Variants in ZNF575 observed in about 807,000 individuals in gnomAD.
The protein encoded by ZNF575 is zinc finger protein 575.
ZNF575 carries 17 observed loss-of-function variants against 17.5 expected under a neutral mutation model. The ratio of observed to expected loss-of-function variants is 0.97; its 90% CI spans 0.66 to 1.45. ZNF575 has a LOEUF of 1.45. Among genes scored for constraint, ZNF575 ranks in the 40% most tolerant of loss-of-function variants. ZNF575 has a pLI of 0.00. For missense variants in ZNF575, 352 were observed against 359.2 expected (o/e 0.98, Z 0.16); for synonymous variants, 146 against 158.3 (o/e 0.92, Z 0.58).
In ZNF575 at chr19:43,535,549, C is replaced by T. The variant is rs756909725; in HGVS notation, c.600C>T (p.Asp200=). 71 of 1,613,808 alleles carry T rather than the reference C, an allele frequency of 4.4e-5. No individual in the cohort carries two copies. Among genetic ancestry groups the T allele is most frequent in the Non-Finnish European group, 5.8e-5 (68 of 1,179,966 alleles). The change falls in exon 4 of 4, where the codon GAC becomes GAT. Residue 200 remains aspartate, a synonymous_variant. Coordinates refer to ENST00000314228, the MANE Select transcript of ZNF575 (RefSeq NM_174945.3). ...TGGCCGCCCATCGCCTATGTCACGA[C>T]CCCCCAACCGCGCCCGGCAGCCAGG... The part of the protein sequence containing the change: ...SKLAAHRLCH[D]PPTAPGSQAT...
chr19:43,534,470 T>C lies in ZNF575; in HGVS notation c.48T>C (p.Ser16=). 6.7e-7 allele frequency: 1 copy of C among 1,503,490 alleles called. No individual in the cohort carries two copies. The highest frequency in any genetic ancestry group is 8.9e-7 in the Non-Finnish European group (1 of 1,124,554). The allele number at this position is 1,503,490 out of a possible 1,614,324, so 93.1% of individuals were successfully genotyped here. The change falls in exon 3 of 4, where the codon AGT becomes AGC. Residue 16 remains serine, a synonymous_variant. Coordinates refer to ENST00000314228, the MANE Select transcript of ZNF575 (RefSeq NM_174945.3). Reference sequence around the variant, plus strand: ...CCGCGGCCGGGGCTACCGATCCTAGTCCCACTGGCAAGGAACCAGTGACCA... The same window carrying C: ...CCGCGGCCGGGGCTACCGATCCTAGCCCCACTGGCAAGGAACCAGTGACCA... ...AESAAGATDP[S]PTGKEPVTKE...
Position 43,535,870 on chromosome 19 carries a change from G to T in ZNF575, c.*183G>T. 2 of 677,532 alleles carry T rather than the reference G, an allele frequency of 3.0e-6. No homozygotes were observed. The highest frequency in any genetic ancestry group is 4.9e-6 in the Non-Finnish European group (2 of 409,760). The allele number at this position is 677,532 out of a possible 1,614,324, so 42.0% of individuals were successfully genotyped here. On this transcript the variant is annotated 3_prime_UTR_variant, in exon 4 of 4. Coordinates refer to ENST00000314228, the MANE Select transcript of ZNF575 (RefSeq NM_174945.3). ...AGGAACTCTTTGCTCCCCTGCTTTG[G>T]GGAGATCTCAAACCATGGACGTGGA...
Position 43,535,413 on chromosome 19 carries a change from C to A in ZNF575, c.464C>A (p.Ser155Tyr), listed in dbSNP as rs376747015. Reference sequence around the variant, plus strand: ...TACCCGTGCCCCGACTGCCCCAAGTCCTTCTGCTACCCTTCCAAGCTGGCG... The same window carrying A: ...TACCCGTGCCCCGACTGCCCCAAGTACTTCTGCTACCCTTCCAAGCTGGCG... ...RPYPCPDCPKSFCYPSKLAAH... is the reference protein window; with the variant it reads ...RPYPCPDCPKYFCYPSKLAAH... Residue 155 changes from serine to tyrosine, a missense_variant, in exon 4 of 4, where the codon TCC becomes TAC. Coordinates refer to ENST00000314228, the MANE Select transcript of ZNF575 (RefSeq NM_174945.3). The A allele has an allele frequency of 8.8e-6, 13 of 1,475,762 alleles. No individual in the cohort carries two copies. The highest frequency in any genetic ancestry group is 1.1e-5 in the Non-Finnish European group (12 of 1,090,094). The allele number at this position is 1,475,762 out of a possible 1,614,324, so 91.4% of individuals were successfully genotyped here.
At chr19:43,534,901 C>G in intron 3 of ZNF575, 128 bp from the exon 4 acceptor site, 1 of 913,538 alleles carries the variant, frequency 1.1e-6, no homozygotes, top group Non-Finnish European at 1.5e-6. Context: ...TGGGGAGTCT[C>G]AATGTGATGC....
upstream of ZNF575, chr19:43,532,824 A>G (rs1972359855): frequency 6.6e-6 from 1 of 152,292 alleles, no homozygotes; most frequent in South Asian, 2.1e-4. Flanking sequence ...GGGGGAAGGT[A>G]GATGGGTGCG....
Position 43,535,795 on chromosome 19 carries a change from G to A in ZNF575, c.*108G>A. On this transcript the variant is annotated 3_prime_UTR_variant, in exon 4 of 4. Coordinates refer to ENST00000314228, the MANE Select transcript of ZNF575 (RefSeq NM_174945.3). ...CGCCTCTTCCAGATAGCTGGCAGAG[G>A]GCAGGGCAAGGGATTGGCCATTTAT... The A allele has an allele frequency of 7.6e-7, 1 of 1,309,910 alleles. No homozygotes were observed. The highest frequency in any genetic ancestry group is 1.0e-6 in the Non-Finnish European group (1 of 976,438). 81.1% of individuals were successfully genotyped at this position (1,309,910 alleles called of 1,614,324 possible).
Position 43,533,344 on chromosome 19 carries a change from G to A in ZNF575, c.-372G>A, listed in dbSNP as rs1001890979. On this transcript the variant is annotated 5_prime_UTR_variant, in exon 1 of 4. Transcript: ENST00000314228. The stretch of plus-strand genomic sequence containing the variant: ...GCGTGGGAGGAGGGGATGGAAATGA[G>A]GTTGGGCTAAGCAGCTTGCGCGCGC... 1 of 152,334 alleles carries A rather than the reference G, an allele frequency of 6.6e-6. No homozygotes were observed. Among genetic ancestry groups the A allele is most frequent in the Non-Finnish European group, 1.5e-5 (1 of 68,130 alleles). 9.4% of individuals were successfully genotyped at this position (152,334 alleles called of 1,614,324 possible). A position where few individuals can be genotyped will look rare whatever the true frequency, so the allele number is the denominator to read the frequency against.
chr19:43,535,424 C>T lies in ZNF575; in HGVS notation c.475C>T (p.Pro159Ser), dbSNP rs1277332934. Residue 159 changes from proline to serine, a missense_variant, in exon 4 of 4, where the codon CCT becomes TCT. Physicochemically the swap from Pro to Ser is moderately conservative, Grantham distance 74 (BLOSUM62 -1). Transcript: ENST00000314228. ...CGACTGCCCCAAGTCCTTCTGCTAC[C>T]CTTCCAAGCTGGCGGCCCACCGCCA... ...CPDCPKSFCY[P>S]SKLAAHRHTH... The T allele has an allele frequency of 2.5e-6, 4 of 1,592,884 alleles. No individual in the cohort carries two copies.
upstream of ZNF575, among the ~76,000 whole-genome samples, chr19:43,531,233 G>A (rs1972339094): frequency 6.6e-6 from 1 of 152,098 alleles, no homozygotes; most frequent in Non-Finnish European, 1.5e-5. Context: ...GGAGGTTACA[G>A]TGGGCTGATA....
In ZNF575 at chr19:43,535,667, C is replaced by G; in HGVS notation, c.718C>G (p.His240Asp). 1 of 1,611,288 alleles carries G rather than the reference C, an allele frequency of 6.2e-7. No homozygotes were observed. Among genetic ancestry groups the G allele is most frequent in the Non-Finnish European group, 8.5e-7 (1 of 1,179,090 alleles). ...LHQRSHHQVE[H>D]KGERD is the part of the protein sequence containing the mutation. ...TCAACGCAGCCACCACCAGGTGGAG[C>G]ACAAGGGGGAGAGAGACTGAGCCCT... The change falls in exon 4 of 4, where the codon CAC becomes GAC. Residue 240 changes from histidine (H) to aspartate (D), a missense_variant. Physicochemically the swap from His to Asp is moderately conservative, Grantham distance 81. Transcript: ENST00000314228.
In ZNF575 at chr19:43,535,060, C is replaced by T. The variant is rs1972393997; in HGVS notation, c.111C>T (p.Ser37=). Residue 37 remains serine, a synonymous_variant, in exon 4 of 4, where the codon AGC becomes AGT. Coordinates refer to ENST00000314228, the MANE Select transcript of ZNF575 (RefSeq NM_174945.3). ...ACCAGGGCCCACCGCAGAAGCCCAG[C>T]CAGTCAGCTCCAGGGCCCACCGCGT... ...APHQGPPQKP[S]QSAPGPTASA... 1.3e-6 allele frequency: 2 copies of T among 1,486,594 alleles called. No individual in the cohort carries two copies. The highest frequency in any genetic ancestry group is 1.3e-5 in the South Asian group (1 of 77,498). The allele number at this position is 1,486,594 out of a possible 1,614,324, so 92.1% of individuals were successfully genotyped here. A position where few individuals can be genotyped will look rare whatever the true frequency, so the allele number is the denominator to read the frequency against.
At chr19:43,531,767 A>ATG (rs1420184443), upstream of ZNF575, 3 of 653,622 alleles carry the variant, frequency 4.6e-6, no homozygotes, top group African/African-American at 1.8e-5. Context: ...AATACTGGTC[A>ATG]TGAGTGAATA....
At position 43,534,430 on chromosome 19, in the gene ZNF575, A is replaced by T; in HGVS notation, c.8A>T (p.Glu3Val). ...GGTTCCTGTGCCAGCAAGATGCTGG[A>T]GCGAGGCGCGGAGTCCGCGGCCGGG... ML[E>V]RGAESAAGAT... The change falls in exon 3 of 4, where the codon GAG (glutamate) becomes GTG (valine). Residue 3 changes from glutamate (E) to valine (V), a missense_variant. By Grantham distance (121) the Glu-to-Val change is moderately radical (BLOSUM62 -2). Transcript: ENST00000314228. The T allele has an allele frequency of 6.4e-7, 1 of 1,559,144 alleles. No individual in the cohort carries two copies.
chr19:43,535,166 T>G lies in ZNF575; in HGVS notation c.217T>G (p.Ser73Ala), dbSNP rs1972397063. Residue 73 changes from serine to alanine, a missense_variant, in exon 4 of 4, where the codon TCG becomes GCG. By Grantham distance (99) the Ser-to-Ala change is moderately conservative. Coordinates refer to ENST00000314228, the MANE Select transcript of ZNF575 (RefSeq NM_174945.3). Reference protein sequence around the residue: ...HRCPDCDKAFSYPSKLATHRL... With the variant: ...HRCPDCDKAFAYPSKLATHRL... Reference sequence around the variant, plus strand: ...CTGCCCCGACTGTGACAAGGCCTTCTCGTACCCGTCCAAGCTGGCCACGCA... The same window carrying G: ...CTGCCCCGACTGTGACAAGGCCTTCGCGTACCCGTCCAAGCTGGCCACGCA... 1 of 1,602,950 alleles carries G rather than the reference T, an allele frequency of 6.2e-7. No homozygotes were observed. Among genetic ancestry groups the G allele is most frequent in the Admixed American group, 1.7e-5 (1 of 58,706 alleles).
At chr19:43,534,972 G>A in intron 3 of ZNF575, 57 bp from the exon 4 acceptor site, 1 of 1,369,026 alleles carries the variant, frequency 7.3e-7, no homozygotes, top group Non-Finnish European at 9.4e-7. Context: ...GCGGAGCCTG[G>A]CCTAGGCCCA....
rs756776103 is a variant in ZNF575, at chr19:43,535,469, G to A, written c.520G>A (p.Ala174Thr). 3 of 1,588,350 alleles carry A rather than the reference G, an allele frequency of 1.9e-6. No homozygotes were observed. Among genetic ancestry groups the A allele is most frequent in the South Asian group, 2.2e-5 (2 of 90,380 alleles). Reference sequence around the variant, plus strand: ...CCGCCACACGCACCACGCCACCGACGCCCGCCCCTATCCTTGCCCGCATTG... The same window carrying A: ...CCGCCACACGCACCACGCCACCGACACCCGCCCCTATCCTTGCCCGCATTG... ...AHRHTHHATD[A>T]RPYPCPHCPK... Residue 174 changes from alanine to threonine, a missense_variant, in exon 4 of 4, where the codon GCC (alanine) becomes ACC (threonine). Transcript: ENST00000314228.
At chr19:43,531,881 G>T (rs1424473484), upstream of ZNF575, 3 of 655,602 alleles carry the variant, frequency 4.6e-6, no homozygotes, top group Admixed American at 4.3e-5. Context: ...GAACTCCTGG[G>T]TGAGTCCCCA....
chr19:43,535,326 A>C lies in ZNF575; in HGVS notation c.377A>C (p.Lys126Thr). The C allele has an allele frequency of 1.2e-6, 2 of 1,609,374 alleles. No homozygotes were observed. The highest frequency in any genetic ancestry group is 1.7e-6 in the Non-Finnish European group (2 of 1,178,632). Residue 126 changes from lysine (K) to threonine (T), a missense_variant, in exon 4 of 4, where the codon AAG becomes ACG. Transcript: ENST00000314228. ...CCGCACCCGTGCCCACACTGCCCGA[A>C]GTCCTTTGGCCACCGCTCCAAGCTG... The part of the protein sequence containing the change: ...ARPHPCPHCP[K>T]SFGHRSKLAA...
At chr19:43,531,534 A>G (rs978208285), upstream of ZNF575, among the ~76,000 whole-genome samples, 1 of 152,182 alleles carries the variant, frequency 6.6e-6, no homozygotes, top group African/African-American at 2.4e-5. Context: ...GTGAGCCAAG[A>G]TTGCGCCACT....
Sources: gnomAD v4.1 joint callset for allele counts (sites outside exome capture counted in the v4.1 genomes callset) on GRCh38, gnomAD v4.1.1 for gene constraint, MANE v1.5 for transcripts, NCBI Gene and HGNC (gene_info 2026-07-23, HGNC 2026-07-21) for gene names.